The following DOT1L variants were observed in gnomAD, a reference collection of about 807,000 sequenced individuals.
DOT1L encodes DOT1 like histone lysine methyltransferase.
A neutral mutation model predicts 153.3 loss-of-function variants in DOT1L; 33 were observed. The observed-to-expected ratio is 0.22, with a 90% confidence interval of 0.16 to 0.29. The LOEUF (loss-of-function observed/expected upper bound fraction) is 0.29. DOT1L is among the 10% of genes least tolerant of loss of function. The pLI, the probability that DOT1L is intolerant of heterozygous loss-of-function variation, is 1.00. For synonymous variants in DOT1L, 1,135 were observed against 965.1 expected (o/e 1.18, Z -3.26); for missense variants, 1,847 against 2,119.9 (o/e 0.87, Z 2.53).
intron 1 of DOT1L, among the ~76,000 whole-genome samples, chr19:2,168,771 C>T (rs549660361): frequency 3.3e-5 from 5 of 152,236 alleles, no homozygotes; most frequent in African/African-American, 7.2e-5. Context: ...CCCGCCACCA[C>T]GCCCAGCTAA....
Position 2,197,650 on chromosome 19 carries a change from G to A in DOT1L, c.652-2234G>A, listed in dbSNP as rs753720304. On this transcript the variant is annotated intron_variant, in intron 7 of 27. Coordinates refer to ENST00000398665, the MANE Select transcript of DOT1L (RefSeq NM_032482.3). The surrounding 1 kb of genome is among the most constrained non-coding windows in gnomAD (Gnocchi z 4.1). Reference sequence around the variant, plus strand: ...GAGCTGCGTTCGTGGTCTGGATTCCGTGCAGGTTTAGGTGCTCACGGTCAG... The same window carrying A: ...GAGCTGCGTTCGTGGTCTGGATTCCATGCAGGTTTAGGTGCTCACGGTCAG... Among the ~76,000 whole-genome samples, 2 of 152,202 alleles carry A rather than the reference G, an allele frequency of 1.3e-5. No individual in the cohort carries two copies. Among genetic ancestry groups the A allele is most frequent in the Non-Finnish European group, 2.9e-5 (2 of 68,038 alleles).
rs1165425005 is a variant in DOT1L, at chr19:2,231,015, A to C, written c.*1223A>C. The C allele has an allele frequency of 4.2e-6, 1 of 237,598 alleles. No individual in the cohort carries two copies. Among genetic ancestry groups the C allele is most frequent in the Admixed American group, 5.6e-5 (1 of 17,852 alleles). 14.7% of individuals were successfully genotyped at this position (237,598 alleles called of 1,614,324 possible). A position where few individuals can be genotyped will look rare whatever the true frequency, so the allele number is the denominator to read the frequency against. ...GGCCCCAGGGTGACGTCGGCCCCCC[A>C]CTCTGCAGCCTTGGCGGGTGCCTGG... On this transcript the variant is annotated 3_prime_UTR_variant, in exon 28 of 28. Coordinates refer to ENST00000398665, the MANE Select transcript of DOT1L (RefSeq NM_032482.3).
chr19:2,200,031 C>T, intron 8 of DOT1L, 92 bp downstream of exon 8: 5 of 1,499,182 alleles, frequency 3.3e-6, no homozygotes, highest in Non-Finnish European at 4.5e-6. Flanking sequence ...CGGCCCCTCG[C>T]TCCTGTGCTG....
chr19:2,229,320 GCCTTCTGCCTCAGGGGCC>G (rs1009123968), intron 27 of DOT1L: 14 of 985,326 alleles, frequency 1.4e-5, no homozygotes, highest in South Asian at 4.7e-5. Flanking sequence ...CTTGCCCCTG[GCCTTCTGCCTCAGGGGCC>G]CCTGGGACAC....
intron 16 of DOT1L, chr19:2,212,139 C>A (rs940538593): frequency 1.6e-5 from 5 of 321,936 alleles, no homozygotes; most frequent in Non-Finnish European, 2.9e-5. Flanking sequence ...GGTCCCTCCC[C>A]CGGTTCCTCA....
chr19:2,229,280 C>T, intron 27 of DOT1L: 1 of 985,478 alleles, frequency 1.0e-6, no homozygotes, highest in Non-Finnish European at 1.2e-6. Context: ...ACATGGCGTG[C>T]CTGGCGGCGT....
intron 9 of DOT1L, among the ~76,000 whole-genome samples, chr19:2,203,355 C>T (rs1336984265): frequency 6.6e-6 from 1 of 152,192 alleles, no homozygotes; most frequent in Non-Finnish European, 1.5e-5. Flanking sequence ...CCCGCCTCGG[C>T]CCCCGCAAAG....
intron 24 of DOT1L, chr19:2,223,013 C>T (rs2024186000): frequency 7.8e-6 from 4 of 510,502 alleles, no homozygotes; most frequent in East Asian, 3.3e-5. Flanking sequence ...GAGTGCGATG[C>T]GCTGCCTGCA....
chr19:2,226,453 A>G lies in DOT1L; in HGVS notation c.3932A>G (p.Asn1311Ser), dbSNP rs201810633. ...SGADGLSPGT[N>S]PANGCTFGGG... ...GCTGACGGACTCAGCCCGGGCACCA[A>G]CCCTGCCAACGGCTGCACCTTCGGC... Residue 1311 changes from asparagine (N) to serine (S), a missense_variant, in exon 27 of 28, where the codon AAC becomes AGC. Coordinates refer to ENST00000398665, the MANE Select transcript of DOT1L (RefSeq NM_032482.3). The G allele has an allele frequency of 2.5e-6, 4 of 1,601,806 alleles. No homozygotes were observed. The highest frequency in any genetic ancestry group is 3.4e-6 in the Non-Finnish European group (4 of 1,179,488).
chr19:2,230,110 C>T lies in DOT1L; in HGVS notation c.*318C>T. On this transcript the variant is annotated 3_prime_UTR_variant, in exon 28 of 28. Transcript: ENST00000398665. ...TATATATGAGAGCTCTATATAAAGA[C>T]ACGTGTCTGCAGGGCGGGCCCGCCA... is the stretch of plus-strand genomic sequence containing the variant. 1.8e-6 allele frequency: 1 copy of T among 540,568 alleles called. No homozygotes were observed. Among genetic ancestry groups the T allele is most frequent in the South Asian group, 2.6e-5 (1 of 38,244 alleles). The allele number at this position is 540,568 out of a possible 1,614,324, so 33.5% of individuals were successfully genotyped here.
chr19:2,187,103 G>A (rs961952276), intron 3 of DOT1L, among the ~76,000 whole-genome samples: 3 of 152,170 alleles, frequency 2.0e-5, no homozygotes, highest in African/African-American at 2.4e-5. Context: ...GCTTCTTACC[G>A]CAGCTTGGGC....
Position 2,230,638 on chromosome 19 carries a change from G to C in DOT1L, c.*846G>C, listed in dbSNP as rs2024560604. 2.5e-6 allele frequency: 1 copy of C among 398,444 alleles called. No homozygotes were observed. Among genetic ancestry groups the C allele is most frequent in the Non-Finnish European group, 4.4e-6 (1 of 226,074 alleles). 24.7% of individuals were successfully genotyped at this position (398,444 alleles called of 1,614,324 possible). ...CTGTACAGGAGAGAGTCACACTAAT[G>C]AGTGGCAGTATTTTATAGAGATGTG... is the stretch of plus-strand genomic sequence containing the variant. On this transcript the variant is annotated 3_prime_UTR_variant, in exon 28 of 28. Coordinates refer to ENST00000398665, the MANE Select transcript of DOT1L (RefSeq NM_032482.3).
At chr19:2,186,106 C>G (rs963115297) in intron 3 of DOT1L, among the ~76,000 whole-genome samples, 177 bp downstream of exon 3, 4 of 152,248 alleles carry the variant, frequency 2.6e-5, no homozygotes, top group African/African-American at 7.2e-5. Context: ...TTTATCAACT[C>G]TTGGCAAAGG....
At chr19:2,223,030 T>A (rs2024186625) in intron 24 of DOT1L, 1 of 534,776 alleles carries the variant, frequency 1.9e-6, no homozygotes, top group South Asian at 2.7e-5. Context: ...TGCAAGCTTC[T>A]TCATTCTCGG....
chr19:2,185,965 G>A (rs1414323198), intron 3 of DOT1L, 36 bp downstream of exon 3: 1 of 1,596,294 alleles, frequency 6.3e-7, no homozygotes, highest in Non-Finnish European at 8.6e-7. Flanking sequence ...CCGCTCCGAG[G>A]ACAGACTCGG....
At chr19:2,215,620 G>A (rs552584188) in intron 19 of DOT1L, 3 of 152,390 alleles carry the variant, frequency 2.0e-5, no homozygotes, top group East Asian at 3.9e-4. Flanking sequence ...GGGCTCTCAC[G>A]GGCGGCTGAC....
chr19:2,173,436 G>C (rs1242508492), intron 1 of DOT1L, among the ~76,000 whole-genome samples: 1 of 152,208 alleles, frequency 6.6e-6, no homozygotes, highest in Non-Finnish European at 1.5e-5. Flanking sequence ...ATCACAGTGA[G>C]AGCAGCCACC....
At position 2,207,702 on chromosome 19, in the gene DOT1L, A is replaced by G. The variant is rs74974755; in HGVS notation, c.963+22A>G. The stretch of plus-strand genomic sequence containing the variant: ...CATAGTGAGTATCTCGCTGCGCCTC[A>G]GCCGCAGGGCCGTCCTGGTCTTCCA... On this transcript the variant is annotated intron_variant, in intron 11 of 27. Coordinates refer to ENST00000398665, the MANE Select transcript of DOT1L (RefSeq NM_032482.3). The surrounding 1 kb of genome is among the most constrained non-coding windows in gnomAD (Gnocchi z 4.5). The G allele has an allele frequency of 1.3e-6, 2 of 1,596,910 alleles. No homozygotes were observed. The highest frequency in any genetic ancestry group is 8.5e-7 in the Non-Finnish European group (1 of 1,171,418).
intron 3 of DOT1L, among the ~76,000 whole-genome samples, chr19:2,187,914 T>C (rs1398830077): frequency 2.9e-5 from 3 of 104,890 alleles, no homozygotes; most frequent in Non-Finnish European, 5.6e-5. Context: ...AGAGCGAGAC[T>C]CCATCTCAGA....
Sources: gnomAD v4.1 joint callset for allele counts (sites outside exome capture counted in the v4.1 genomes callset) on GRCh38, gnomAD v4.1.1 for gene constraint, Gnocchi (gnomAD v3.1) non-coding constraint, MANE v1.5 for transcripts, NCBI Gene and HGNC (gene_info 2026-07-23, HGNC 2026-07-21) for gene names.